The following MSH3 variants were observed in gnomAD, a reference collection of about 807,000 sequenced individuals.
The protein encoded by MSH3 is mutS homolog 3.
Under a neutral mutation model 123.3 loss-of-function variants are expected in MSH3, and 106 were observed. That is an observed-to-expected ratio of 0.86 (90% CI 0.73 to 1.01). The LOEUF (loss-of-function observed/expected upper bound fraction) is 1.01, where lower values mean the gene tolerates loss of function less well. Among genes scored for constraint, MSH3 ranks in the 50% least tolerant of loss-of-function variants. MSH3 has a pLI of 0.00. For synonymous variants in MSH3, 515 were observed against 481.4 expected, an observed-to-expected ratio of 1.07 and a Z score of -0.91; for missense variants, 1,459 against 1,347.6, an observed-to-expected ratio of 1.08 and a Z score of -1.29.
intron 20 of MSH3, among the ~76,000 whole-genome samples, chr5:80,846,294 C>T (rs2112097141): frequency 1.3e-5 from 2 of 152,110 alleles, no homozygotes; most frequent in South Asian, 4.2e-4. Flanking sequence ...CAGAGGGGCA[C>T]CCGCCTGTTT....
chr5:80,699,558 C>CA (rs55795731), intron 8 of MSH3, among the ~76,000 whole-genome samples: 2,891 of 78,010 alleles, frequency 0.037, 33 homozygotes, highest in Non-Finnish European at 0.047. Flanking sequence ...ACACTGTCTC[C>CA]AAAAAAAAAA....
intron 8 of MSH3, among the ~76,000 whole-genome samples, chr5:80,689,894 A>AT (rs1034165213): frequency 3.3e-5 from 5 of 151,958 alleles, no homozygotes; most frequent in Non-Finnish European, 4.4e-5. Context: ...TTCCTGCATG[A>AT]TTTTTTTAAA....
chr5:80,828,701 G>C (rs896870012), intron 20 of MSH3, among the ~76,000 whole-genome samples: 2 of 152,162 alleles, frequency 1.3e-5, no homozygotes, highest in African/African-American at 4.8e-5. Context: ...CATTTCATAA[G>C]GGAGAGATAG....
intron 20 of MSH3, among the ~76,000 whole-genome samples, chr5:80,850,295 G>C (rs965880065): frequency 6.6e-6 from 1 of 152,088 alleles, no homozygotes; most frequent in Admixed American, 6.6e-5. Flanking sequence ...CCTCCAAACT[G>C]TTGCAACCTC....
intron 20 of MSH3, among the ~76,000 whole-genome samples, chr5:80,847,096 C>G (rs72765599): frequency 0.11 from 16,978 of 152,056 alleles, 1,249 homozygotes; most frequent in East Asian, 0.32. Context: ...TTCTCGCTCT[C>G]TTGCCCAGTC....
Position 80,775,756 on chromosome 5 carries a change from A to C in MSH3, c.2316A>C (p.Gly772=). 1 of 1,579,678 alleles carries C rather than the reference A, an allele frequency of 6.3e-7. No homozygotes were observed. The highest frequency in any genetic ancestry group is 8.7e-7 in the Non-Finnish European group (1 of 1,149,084). ...TACCAACTGATTGGGTAAAGGTTGGAAGGTAGGTTTAAAATAAATTTTTTT... is the reference window on the plus strand; with the variant it reads ...TACCAACTGATTGGGTAAAGGTTGGCAGGTAGGTTTAAAATAAATTTTTTT... ...SCIPTDWVKV[G]STKAVSRFHS... The change falls in exon 16 of 24, where the codon GGA becomes GGC. Residue 772 remains glycine, a splice_region_variant and synonymous_variant. Transcript: ENST00000265081.
intron 19 of MSH3, among the ~76,000 whole-genome samples, chr5:80,811,153 C>G (rs1342548870): frequency 1.3e-5 from 2 of 152,000 alleles, no homozygotes. Context: ...GAAGTTGTAT[C>G]CAAAATTCAA....
intron 14 of MSH3, 45 bp from the exon 15 acceptor site, chr5:80,768,790 A>G: frequency 2.7e-6 from 4 of 1,488,104 alleles, no homozygotes; most frequent in Non-Finnish European, 3.7e-6. Context: ...TAACTGCTGT[A>G]ATTAATAAAC....
chr5:80,670,620 A>G (rs1453597877), intron 4 of MSH3, among the ~76,000 whole-genome samples: 2 of 152,220 alleles, frequency 1.3e-5, no homozygotes, highest in Non-Finnish European at 2.9e-5. Context: ...AATCATGTAA[A>G]TATGTTTTCT....
intron 19 of MSH3, among the ~76,000 whole-genome samples, chr5:80,803,100 C>T (rs939119516): frequency 4.1e-4 from 63 of 151,928 alleles, no homozygotes; most frequent in African/African-American, 1.5e-3. Context: ...ATATACCTAG[C>T]AGTGGGATTG....
chr5:80,817,867 C>G lies in MSH3; in HGVS notation c.2813+4126C>G, dbSNP rs143441432. 2.6e-5 allele frequency among the ~76,000 whole-genome samples: 4 copies of G among 152,192 alleles called. No homozygotes were observed. The East Asian group carries it at 7.7e-4, about 29-fold the overall frequency. On this transcript the variant is annotated intron_variant, in intron 20 of 23. Transcript: ENST00000265081. ...TGTCACCAAAGCAGAGACAACCAGA[C>G]ATTAGGTAAAAGTTTGTGACAACTT... is the stretch of plus-strand genomic sequence containing the variant.
At chr5:80,655,028 C>T (rs1234557249) in intron 1 of MSH3, 64 bp downstream of exon 1, 19 of 969,704 alleles carry the variant, frequency 2.0e-5, no homozygotes, top group Non-Finnish European at 2.6e-5. Flanking sequence ...GTGGGTAAGG[C>T]GGGCGGAGGC....
At chr5:80,714,398 A>G in intron 8 of MSH3, among the ~76,000 whole-genome samples, 1 of 151,996 alleles carries the variant, frequency 6.6e-6, no homozygotes, top group East Asian at 1.9e-4. Context: ...AGCCTCCCAA[A>G]GTGCTGAGAT....
Position 80,779,962 on chromosome 5 carries a change from A to G in MSH3, c.2435+1126A>G, listed in dbSNP as rs140694291. ...GATTTTAAAATGAAAGACCTAATCA[A>G]CTTTTACATGTTGCATTTGGTAATT... On this transcript the variant is annotated intron_variant, in intron 17 of 23. Coordinates refer to ENST00000265081, the MANE Select transcript of MSH3 (RefSeq NM_002439.5). 2.2e-3 allele frequency among the ~76,000 whole-genome samples: 334 copies of G among 152,220 alleles called. 2 individuals carry two copies. Among genetic ancestry groups the G allele is most frequent in the African/African-American group, 6.1e-3 (252 of 41,540 alleles).
rs116486864 is a variant in MSH3 at position 80,804,579 on chromosome 5, T to A, written c.2656-9005T>A. Among the ~76,000 whole-genome samples, 295 of 152,356 alleles carry A rather than the reference T, an allele frequency of 1.9e-3. 2 individuals are homozygous for A. Among genetic ancestry groups the A allele is most frequent in the African/African-American group, 7.1e-3 (294 of 41,582 alleles). On this transcript the variant is annotated intron_variant, in intron 19 of 23. Coordinates refer to ENST00000265081, the MANE Select transcript of MSH3 (RefSeq NM_002439.5). ...TTGCATAATATTCTGGAAAATTCCC[T>A]GGATTTCTAGGCAGAGACTCTTGTT...
chr5:80,681,336 A>G (rs568231525), intron 8 of MSH3, among the ~76,000 whole-genome samples: 43 of 152,214 alleles, frequency 2.8e-4, no homozygotes, highest in Non-Finnish European at 5.6e-4. Context: ...TGTATTTTCA[A>G]TATTTCCTAT....
intron 8 of MSH3, among the ~76,000 whole-genome samples, chr5:80,718,279 A>C (rs1751003215): frequency 6.6e-6 from 1 of 152,176 alleles, no homozygotes; most frequent in Non-Finnish European, 1.5e-5. Flanking sequence ...ATGTCTTCAA[A>C]ATTTTTAAAA....
At chr5:80,749,615 T>A (rs1174185241) in intron 12 of MSH3, among the ~76,000 whole-genome samples, 1 of 152,192 alleles carries the variant, frequency 6.6e-6, no homozygotes, top group East Asian at 1.9e-4. Flanking sequence ...CATCACAATA[T>A]TCATGGGGTA....
chr5:80,746,406 G>T (rs1330211631), intron 12 of MSH3: 4 of 429,494 alleles, frequency 9.3e-6, no homozygotes, highest in Non-Finnish European at 1.4e-5. Context: ...AGTCATTTTT[G>T]ATATTGGAAG....
Sources: gnomAD v4.1 joint callset for allele counts (sites outside exome capture counted in the v4.1 genomes callset) on GRCh38, gnomAD v4.1.1 for gene constraint, MANE v1.5 for transcripts, NCBI Gene and HGNC (gene_info 2026-07-23, HGNC 2026-07-21) for gene names.